FDX1: variants seen among roughly 807,000 people sequenced by gnomAD.
FDX1 encodes the protein adrenodoxin, mitochondrial.
A neutral mutation model predicts 14.9 loss-of-function variants in FDX1; 9 were observed. That is an observed-to-expected ratio of 0.60 (90% CI 0.36 to 1.05). The LOEUF is 1.05. Among genes scored for constraint, FDX1 ranks in the 50% least tolerant of loss-of-function variants. The pLI is 0.01. For synonymous variants in FDX1, 92 were observed against 99.4 expected (o/e 0.93, Z 0.44); for missense variants, 204 against 237.2 (o/e 0.86, Z 0.92).
At chr11:110,434,485 T>TACC (rs760938186) in intron 1 of FDX1, among the ~76,000 whole-genome samples, 1 of 151,876 alleles carries the variant, frequency 6.6e-6, no homozygotes, top group Non-Finnish European at 1.5e-5. Flanking sequence ...TACAGGCATG[T>TACC]ACCACCATGC....
intron 2 of FDX1, among the ~76,000 whole-genome samples, chr11:110,447,179 A>G (rs1238359226): frequency 1.7e-4 from 22 of 128,458 alleles, no homozygotes; most frequent in African/African-American, 8.6e-4. Context: ...CCATCTTGGA[A>G]AAAAAAAAAA....
At chr11:110,450,224 C>G (rs1348518807) in intron 2 of FDX1, among the ~76,000 whole-genome samples, 1 of 151,960 alleles carries the variant, frequency 6.6e-6, no homozygotes, top group Non-Finnish European at 1.5e-5. Context: ...AATTATACAA[C>G]TCATCATAAG....
chr11:110,430,672 A>C (rs1358908786), intron 1 of FDX1, among the ~76,000 whole-genome samples: 1 of 152,112 alleles, frequency 6.6e-6, no homozygotes, highest in African/African-American at 2.4e-5. Context: ...GCTCTGCCCG[A>C]AACTGGCAGT....
intron 3 of FDX1, among the ~76,000 whole-genome samples, chr11:110,458,337 G>A (rs1946535440): frequency 2.0e-5 from 3 of 152,076 alleles, no homozygotes; most frequent in Admixed American, 2.0e-4. Context: ...TAGCTTTTAT[G>A]GTGTTTTATA....
chr11:110,444,980 C>G (rs934524899), intron 2 of FDX1, among the ~76,000 whole-genome samples: 1 of 151,510 alleles, frequency 6.6e-6, no homozygotes, highest in African/African-American at 2.4e-5. Context: ...TACCCTGCAT[C>G]AATTCTATAT....
At chr11:110,430,346 G>A in intron 1 of FDX1, 41 bp downstream of exon 1, 2 of 1,162,550 alleles carry the variant, frequency 1.7e-6, no homozygotes, top group Non-Finnish European at 2.1e-6. Flanking sequence ...GCGGGCCGGG[G>A]TCCCCGGTGG....
intron 1 of FDX1, among the ~76,000 whole-genome samples, chr11:110,434,468 C>T (rs575490758): frequency 1.3e-5 from 2 of 151,730 alleles, no homozygotes; most frequent in Non-Finnish European, 2.9e-5. Flanking sequence ...TCCCGAGTAG[C>T]TGGGATTACA....
chr11:110,446,039 G>T (rs368334759), intron 2 of FDX1, among the ~76,000 whole-genome samples: 2 of 152,106 alleles, frequency 1.3e-5, no homozygotes, highest in South Asian at 2.1e-4. Context: ...AGAAATTCGC[G>T]TATTCAGACT....
intron 2 of FDX1, among the ~76,000 whole-genome samples, chr11:110,444,683 TAC>T (rs34604203): frequency 0.043 from 2,246 of 52,600 alleles, 123 homozygotes; most frequent in Middle Eastern, 0.075. Context: ...TATATATATA[TAC>T]ACGTATATAT....
intron 1 of FDX1, among the ~76,000 whole-genome samples, chr11:110,433,782 G>GT (rs970696909): frequency 9.2e-5 from 14 of 151,932 alleles, no homozygotes; most frequent in South Asian, 4.2e-4. Context: ...ATAGAATCCT[G>GT]TTTTTTTTCC....
intron 2 of FDX1, among the ~76,000 whole-genome samples, chr11:110,439,758 A>G (rs1433716532): frequency 6.6e-6 from 1 of 152,126 alleles, no homozygotes; most frequent in Non-Finnish European, 1.5e-5. Context: ...GCCGAGGCCA[A>G]TTTCCAGGAG....
chr11:110,440,524 G>T (rs2134678870), intron 2 of FDX1, among the ~76,000 whole-genome samples: 1 of 152,288 alleles, frequency 6.6e-6, no homozygotes. Context: ...TTAGCTGGTA[G>T]AAATATTTTC....
chr11:110,462,364 G>A lies in FDX1; in HGVS notation c.451G>A (p.Gly151Ser), dbSNP rs1303873034. 1.2e-6 allele frequency: 2 copies of A among 1,607,120 alleles called. No homozygotes were observed. The highest frequency in any genetic ancestry group is 1.7e-5 in the Admixed American group (1 of 59,944). ...CCCTTTTCCATACAGATCACGGTTG[G>A]GCTGCCAAATCTGTTTGACAAAATC... The part of the protein sequence containing the change: ...AYGLTDRSRL[G>S]CQICLTKSMD... Residue 151 changes from glycine (G) to serine (S), a missense_variant, in exon 4 of 4, where the codon GGC becomes AGC. By Grantham distance (56) the Gly-to-Ser change is moderately conservative. Coordinates refer to ENST00000260270, the MANE Select transcript of FDX1 (RefSeq NM_004109.5).
chr11:110,434,162 T>A (rs1450470689), intron 1 of FDX1, among the ~76,000 whole-genome samples: 1 of 152,120 alleles, frequency 6.6e-6, no homozygotes, highest in Admixed American at 6.5e-5. Context: ...TAAAAAAACA[T>A]GTAAGGAGGT....
At chr11:110,444,706 GTATATATATATATATACGTA>G (rs1491307904) in intron 2 of FDX1, among the ~76,000 whole-genome samples, 1 of 30,848 alleles carries the variant, frequency 3.2e-5, no homozygotes, top group Non-Finnish European at 5.3e-5. Flanking sequence ...ATATATATAC[GTATATATATATATATACGTA>G]TATATATATA....
At chr11:110,456,797 C>G in intron 2 of FDX1, 121 bp from the exon 3 acceptor site, 2 of 1,059,834 alleles carry the variant, frequency 1.9e-6, no homozygotes, top group Non-Finnish European at 1.3e-6. Flanking sequence ...GTGTGAGCCA[C>G]TGTGCCCGGC....
chr11:110,444,670 A>ATACG lies in FDX1; in HGVS notation c.310+8714_310+8715insCGTA, dbSNP rs1565381796. Among the ~76,000 whole-genome samples, 8 of 71,404 alleles carry ATACG rather than the reference A, an allele frequency of 1.1e-4. 1 individual carries two copies. The highest frequency in any genetic ancestry group is 5.2e-4 in the African/African-American group (8 of 15,312). 46.8% of individuals were successfully genotyped at this position (71,404 alleles called of 152,430 possible). ...TGTGTGTATATATATATATACGTATATATATATATATATACACGTATATAT... is the reference window on the plus strand; with the variant it reads ...TGTGTGTATATATATATATACGTATATACGTATATATATATATACACGTATATAT... On this transcript the variant is annotated intron_variant, in intron 2 of 3. Coordinates refer to ENST00000260270, the MANE Select transcript of FDX1 (RefSeq NM_004109.5).
intron 2 of FDX1, among the ~76,000 whole-genome samples, chr11:110,455,594 G>A (rs966587995): frequency 2.0e-5 from 3 of 152,106 alleles, no homozygotes; most frequent in Non-Finnish European, 4.4e-5. Flanking sequence ...GATTCTGCAC[G>A]CCTCTGTTGT....
At chr11:110,439,799 T>G (rs1228047199) in intron 2 of FDX1, among the ~76,000 whole-genome samples, 3 of 152,216 alleles carry the variant, frequency 2.0e-5, no homozygotes, top group Non-Finnish European at 2.9e-5. Context: ...CTAGGACTTT[T>G]GTAGCTTTAG....
Sources: gnomAD v4.1 joint callset for allele counts (sites outside exome capture counted in the v4.1 genomes callset) on GRCh38, gnomAD v4.1.1 for gene constraint, MANE v1.5 for transcripts, NCBI Gene and HGNC (gene_info 2026-07-23, HGNC 2026-07-21) for gene names.